NEDD4L: variants seen among roughly 807,000 people sequenced by gnomAD.
The protein encoded by NEDD4L is NEDD4 like E3 ubiquitin protein ligase, also known as E3 ubiquitin-protein ligase NEDD4-like.
In NEDD4L, 54 loss-of-function variants were observed where a neutral mutation model predicts 148.9. That is an observed-to-expected ratio of 0.36 (90% CI 0.29 to 0.45). NEDD4L has a LOEUF of 0.45. NEDD4L is among the 20% of genes least tolerant of loss of function. NEDD4L has a pLI of 1.00. For missense variants in NEDD4L, 856 were observed against 1,233.8 expected (o/e 0.69, Z 4.59); for synonymous variants, 433 against 440.7 (o/e 0.98, Z 0.22).
At chr18:58,128,658 G>A (rs1417473584) in intron 1 of NEDD4L, among the ~76,000 whole-genome samples, 1 of 152,204 alleles carries the variant, frequency 6.6e-6, no homozygotes, top group Admixed American at 6.5e-5. Context: ...CGTCTTCTGT[G>A]CTTTGTAGGC....
chr18:58,087,272 C>A (rs988614488), intron 1 of NEDD4L, among the ~76,000 whole-genome samples: 2 of 152,190 alleles, frequency 1.3e-5, no homozygotes, highest in Non-Finnish European at 2.9e-5. Context: ...CTAAACTTTC[C>A]ATCAGGAAAT....
chr18:58,332,863 C>T (rs1368994667), intron 11 of NEDD4L, among the ~76,000 whole-genome samples: 2 of 152,214 alleles, frequency 1.3e-5, no homozygotes, highest in African/African-American at 4.8e-5. Flanking sequence ...CTTCATTTAA[C>T]CACATAGACT....
intron 14 of NEDD4L, among the ~76,000 whole-genome samples, 153 bp downstream of exon 14, chr18:58,341,322 A>G (rs2042393657): frequency 6.6e-6 from 1 of 152,254 alleles, no homozygotes; most frequent in Admixed American, 6.5e-5. Context: ...AAATACAATA[A>G]TAGCCTAAGG....
intron 1 of NEDD4L, among the ~76,000 whole-genome samples, chr18:58,126,659 T>A: frequency 6.6e-6 from 1 of 152,226 alleles, no homozygotes; most frequent in East Asian, 1.9e-4. Context: ...TTACGGTAAC[T>A]CTACATTTAA....
chr18:58,125,597 C>T (rs2030929073), intron 1 of NEDD4L, among the ~76,000 whole-genome samples: 1 of 152,116 alleles, frequency 6.6e-6, no homozygotes, highest in Non-Finnish European at 1.5e-5. Flanking sequence ...GAGTCACCAC[C>T]CCACTGCCAG....
At chr18:58,058,867 T>G (rs1174184338) in intron 1 of NEDD4L, among the ~76,000 whole-genome samples, 1 of 152,194 alleles carries the variant, frequency 6.6e-6, no homozygotes, top group Non-Finnish European at 1.5e-5. Context: ...TTTATGTGTC[T>G]GTCTCGTATA....
intron 2 of NEDD4L, among the ~76,000 whole-genome samples, chr18:58,221,083 C>T (rs1368123674): frequency 6.6e-6 from 1 of 152,100 alleles, no homozygotes; most frequent in African/African-American, 2.4e-5. Flanking sequence ...TATTTTTGTT[C>T]CTGTTTTTTT....
chr18:58,126,728 C>T (rs1466159148), intron 1 of NEDD4L, among the ~76,000 whole-genome samples: 5 of 152,186 alleles, frequency 3.3e-5, no homozygotes, highest in Non-Finnish European at 2.9e-5. Context: ...CCACCAGCAT[C>T]AAGTGGGAGC....
intron 12 of NEDD4L, 176 bp downstream of exon 12, chr18:58,334,068 T>A: frequency 2.1e-6 from 1 of 486,868 alleles, no homozygotes; most frequent in Non-Finnish European, 3.6e-6. Flanking sequence ...AGAGAATTGT[T>A]ACTGCCACCC....
At chr18:58,203,129 A>G (rs949432338) in intron 2 of NEDD4L, among the ~76,000 whole-genome samples, 36 of 151,862 alleles carry the variant, frequency 2.4e-4, no homozygotes, top group Non-Finnish European at 4.6e-4. Context: ...CACCACACCA[A>G]CTAATTTTTT....
chr18:58,378,440 C>T (rs1451981505), intron 24 of NEDD4L, among the ~76,000 whole-genome samples: 3 of 152,242 alleles, frequency 2.0e-5, no homozygotes, highest in Non-Finnish European at 2.9e-5. Context: ...CTGGCGGAAG[C>T]CAGGAGCCAG....
rs368271631 is a variant in NEDD4L at position 58,383,047 on chromosome 18, CT to C, written c.2353-196del. The stretch of plus-strand genomic sequence containing the variant: ...CATAAATAACCATAAAACAATTTGC[CT>C]TTAATGATAGCATCTTTAACTGTGT... On this transcript the variant is annotated intron_variant, in intron 24 of 30. Coordinates refer to ENST00000400345, the MANE Select transcript of NEDD4L (RefSeq NM_001144967.3). Among the ~76,000 whole-genome samples the C allele has an allele frequency of 9.9e-5, 15 of 152,252 alleles. No individual in the cohort carries two copies. In the East Asian group the frequency reaches 2.9e-3, roughly 29 times the overall value.
intron 1 of NEDD4L, among the ~76,000 whole-genome samples, chr18:58,053,806 G>A (rs568811751): frequency 2.0e-5 from 3 of 152,210 alleles, no homozygotes; most frequent in Non-Finnish European, 4.4e-5. Context: ...GGCCAACACT[G>A]CCCTAGCTGA....
At chr18:58,354,287 A>G (rs1350320229) in intron 18 of NEDD4L, among the ~76,000 whole-genome samples, 2 of 152,170 alleles carry the variant, frequency 1.3e-5, no homozygotes, top group African/African-American at 2.4e-5. Context: ...AATTCCAGTG[A>G]TTTTGTAAAG....
chr18:58,376,857 T>C (rs371958745), intron 24 of NEDD4L, among the ~76,000 whole-genome samples: 2 of 152,194 alleles, frequency 1.3e-5, no homozygotes, highest in African/African-American at 4.8e-5. Flanking sequence ...CAGGCCCCAC[T>C]GGGCTTGTCC....
intron 2 of NEDD4L, among the ~76,000 whole-genome samples, chr18:58,208,274 A>G (rs2042169559): frequency 6.6e-6 from 1 of 152,226 alleles, no homozygotes; most frequent in Admixed American, 6.5e-5. Context: ...GGCTTATGGT[A>G]GCAACCCAAA....
chr18:58,243,380 T>C (rs565060010), intron 2 of NEDD4L, among the ~76,000 whole-genome samples: 1 of 152,356 alleles, frequency 6.6e-6, no homozygotes, highest in African/African-American at 2.4e-5. Context: ...ATTTAGTTTC[T>C]GTAGCTAGAA....
chr18:58,046,195 C>T (rs962470315), intron 1 of NEDD4L, among the ~76,000 whole-genome samples: 1 of 152,014 alleles, frequency 6.6e-6, no homozygotes, highest in Admixed American at 6.6e-5. Flanking sequence ...AAATAATTTC[C>T]CGTTTTGTGT....
chr18:58,158,625 A>G (rs771000082), intron 1 of NEDD4L, among the ~76,000 whole-genome samples: 6 of 152,162 alleles, frequency 3.9e-5, no homozygotes, highest in Non-Finnish European at 8.8e-5. Flanking sequence ...AGAAACTCAT[A>G]TCCTTAGGGT....
Sources: allele counts gnomAD v4.1 joint callset (sites outside exome capture counted in the v4.1 genomes callset), GRCh38; gene constraint gnomAD v4.1.1; transcripts MANE v1.5; gene names NCBI Gene and HGNC (gene_info 2026-07-23, HGNC 2026-07-21).